The following SEZ6L variants were observed in gnomAD, a reference collection of about 807,000 sequenced individuals.
SEZ6L encodes seizure 6-like protein.
Under a neutral mutation model 106.2 loss-of-function variants are expected in SEZ6L, and 37 were observed. The observed-to-expected ratio is 0.35, with a 90% CI of 0.27 to 0.46. The LOEUF (loss-of-function observed/expected upper bound fraction) is 0.46, where lower values mean the gene tolerates loss of function less well. Ranked by LOEUF, SEZ6L falls within the 20% of genes least tolerant of loss-of-function variation. SEZ6L has a pLI of 1.00. For missense variants in SEZ6L, 1,172 were observed against 1,332.8 expected (o/e 0.88, Z 1.88); for synonymous variants, 541 against 570.4 (o/e 0.95, Z 0.73).
intron 1 of SEZ6L, among the ~76,000 whole-genome samples, chr22:26,191,982 C>CCATT (rs1486526785): frequency 3.5e-5 from 3 of 86,596 alleles, no homozygotes; most frequent in Non-Finnish European, 5.2e-5. Context: ...GTCACTCCAT[C>CCATT]CATCCATCCA....
intron 1 of SEZ6L, among the ~76,000 whole-genome samples, chr22:26,284,736 T>C (rs958823373): frequency 6.6e-6 from 1 of 152,162 alleles, no homozygotes; most frequent in Non-Finnish European, 1.5e-5. Flanking sequence ...TTTTGATTTC[T>C]TACCTCTCAG....
intron 9 of SEZ6L, among the ~76,000 whole-genome samples, chr22:26,337,701 G>A (rs1396286209): frequency 6.6e-6 from 1 of 152,174 alleles, no homozygotes; most frequent in Admixed American, 6.5e-5. Context: ...AAAACTGTCA[G>A]GGGGGTAGGA....
intron 1 of SEZ6L, among the ~76,000 whole-genome samples, chr22:26,234,283 C>T (rs914858250): frequency 6.6e-6 from 1 of 152,096 alleles, no homozygotes; most frequent in African/African-American, 2.4e-5. Flanking sequence ...TGTGTGATCC[C>T]AAAGCCCACG....
intron 6 of SEZ6L, 107 bp from the exon 7 acceptor site, chr22:26,310,563 G>C (rs993452115): frequency 2.4e-6 from 3 of 1,234,102 alleles, no homozygotes; most frequent in Non-Finnish European, 3.4e-6. Flanking sequence ...TTAGGTTTGG[G>C]ATCCGGTAAT....
At chr22:26,179,694 C>T (rs1939258192) in intron 1 of SEZ6L, among the ~76,000 whole-genome samples, 1 of 152,192 alleles carries the variant, frequency 6.6e-6, no homozygotes, top group Admixed American at 6.5e-5. Flanking sequence ...AAATATTGAG[C>T]CAAGAACATT....
At chr22:26,245,833 A>G (rs371107928) in intron 1 of SEZ6L, among the ~76,000 whole-genome samples, 19 of 152,146 alleles carry the variant, frequency 1.2e-4, no homozygotes, top group African/African-American at 4.3e-4. Flanking sequence ...TGTTGCTGCT[A>G]CTGCTGCTAT....
At position 26,169,775 on chromosome 22, in the gene SEZ6L, G is replaced by T; in HGVS notation, c.94+12G>T. 4.9e-6 allele frequency: 6 copies of T among 1,233,062 alleles called. No homozygotes were observed. The highest frequency in any genetic ancestry group is 6.1e-6 in the Non-Finnish European group (6 of 983,966). The allele number at this position is 1,233,062 out of a possible 1,614,324, so 76.4% of individuals were successfully genotyped here. A position where few individuals can be genotyped will look rare whatever the true frequency, so the allele number is the denominator to read the frequency against. On this transcript the variant is annotated intron_variant, in intron 1 of 16. Coordinates refer to ENST00000248933, the MANE Select transcript of SEZ6L (RefSeq NM_021115.5). Reference sequence around the variant, plus strand: ...AGCGCTGGAGCGAGGTAAGCGCCCCGAGGGGCGGGGCGGGCAGGGGGCAAA... The same window carrying T: ...AGCGCTGGAGCGAGGTAAGCGCCCCTAGGGGCGGGGCGGGCAGGGGGCAAA...
At chr22:26,217,425 T>C (rs910372147) in intron 1 of SEZ6L, among the ~76,000 whole-genome samples, 6 of 152,254 alleles carry the variant, frequency 3.9e-5, no homozygotes, top group African/African-American at 1.4e-4. Flanking sequence ...TTGCACCTGC[T>C]GTTCCCTCTT....
chr22:26,277,212 C>T (rs913676707), intron 1 of SEZ6L, among the ~76,000 whole-genome samples: 2 of 151,970 alleles, frequency 1.3e-5, no homozygotes, highest in Non-Finnish European at 2.9e-5. Context: ...AATCCTCCCA[C>T]CTTGGTCTCC....
At chr22:26,205,138 A>C (rs1448574529) in intron 1 of SEZ6L, among the ~76,000 whole-genome samples, 1 of 152,262 alleles carries the variant, frequency 6.6e-6, no homozygotes, top group Non-Finnish European at 1.5e-5. Context: ...AACTCGCTTT[A>C]TGTGGCAGAT....
rs184893369 is a variant in SEZ6L, at chr22:26,345,087, A to C, written c.2213-2632A>C. 5.9e-5 allele frequency among the ~76,000 whole-genome samples: 9 copies of C among 152,234 alleles called. No homozygotes were observed. In the East Asian group the frequency reaches 1.5e-3, roughly 26 times the overall value. ...GGGTACAAGCCCTGGAATCTGAAGA[A>C]CAGGAAGGTTATAGGGTGGTTTTCT... On this transcript the variant is annotated intron_variant, in intron 10 of 16. Transcript: ENST00000248933.
chr22:26,220,173 C>T (rs2078422527), intron 1 of SEZ6L, among the ~76,000 whole-genome samples: 1 of 152,102 alleles, frequency 6.6e-6, no homozygotes, highest in African/African-American at 2.4e-5. Flanking sequence ...CCTTTCTGGG[C>T]CACAGATGCC....
intron 1 of SEZ6L, among the ~76,000 whole-genome samples, chr22:26,273,562 A>G (rs577080548): frequency 7.2e-5 from 11 of 152,378 alleles, no homozygotes; most frequent in Admixed American, 4.6e-4. Context: ...TCCAGGAGGC[A>G]GACATCAAGC....
intron 9 of SEZ6L, among the ~76,000 whole-genome samples, chr22:26,328,588 C>T (rs2082389938): frequency 6.6e-6 from 1 of 152,124 alleles, no homozygotes; most frequent in Admixed American, 6.5e-5. Context: ...AGGTGTAAAA[C>T]GTTATCGGTG....
chr22:26,281,378 T>TTTC (rs1569441431), intron 1 of SEZ6L, among the ~76,000 whole-genome samples: 5 of 144,272 alleles, frequency 3.5e-5, no homozygotes, highest in African/African-American at 1.3e-4. Flanking sequence ...TTCTTTCTTT[T>TTTC]TTTTTTTTTT....
At chr22:26,184,800 G>T (rs1011862243) in intron 1 of SEZ6L, among the ~76,000 whole-genome samples, 4 of 152,164 alleles carry the variant, frequency 2.6e-5, no homozygotes, top group East Asian at 1.9e-4. Context: ...TCTGATAGAG[G>T]CCAGCTGTGG....
chr22:26,304,822 A>G (rs919931817), intron 5 of SEZ6L, among the ~76,000 whole-genome samples: 1 of 152,134 alleles, frequency 6.6e-6, no homozygotes, highest in African/African-American at 2.4e-5. Context: ...CTTTGAGAAC[A>G]TGGTATTTAG....
At chr22:26,263,993 C>T (rs1363987410) in intron 1 of SEZ6L, among the ~76,000 whole-genome samples, 1 of 152,230 alleles carries the variant, frequency 6.6e-6, no homozygotes, top group African/African-American at 2.4e-5. Context: ...CTTTGCAATT[C>T]TAGTGATGTC....
chr22:26,211,846 A>G (rs2078169502), intron 1 of SEZ6L, among the ~76,000 whole-genome samples: 1 of 150,350 alleles, frequency 6.7e-6, no homozygotes, highest in Admixed American at 6.6e-5. Flanking sequence ...TTAAATAAAA[A>G]TAAAAATTAA....
Sources: allele counts gnomAD v4.1 joint callset (sites outside exome capture counted in the v4.1 genomes callset), GRCh38; gene constraint gnomAD v4.1.1; transcripts MANE v1.5; gene names NCBI Gene and HGNC (gene_info 2026-07-23, HGNC 2026-07-21).